Variants in UBR3 observed in about 807,000 individuals in gnomAD.
UBR3 encodes ubiquitin protein ligase E3 component n-recognin 3, also known as E3 ubiquitin-protein ligase UBR3.
Under a neutral mutation model 243.2 loss-of-function variants are expected in UBR3, and 85 were observed. The ratio of observed to expected loss-of-function variants is 0.35; its 90% CI spans 0.29 to 0.42. The LOEUF (loss-of-function observed/expected upper bound fraction) is 0.42, where lower values mean the gene tolerates loss of function less well. Ranked by LOEUF, UBR3 falls within the 10% of genes least tolerant of loss-of-function variation. The pLI is 1.00. For missense variants in UBR3, 1,686 were observed against 2,300.8 expected, an observed-to-expected ratio of 0.73 and a Z score of 5.47; for synonymous variants, 748 against 799.8, an observed-to-expected ratio of 0.94 and a Z score of 1.09.
intron 11 of UBR3, among the ~76,000 whole-genome samples, chr2:169,917,888 A>G (rs1158240703): frequency 6.6e-6 from 1 of 152,118 alleles, no homozygotes; most frequent in African/African-American, 2.4e-5. Context: ...TTTTTAGTAG[A>G]GATGGGGTTT....
At chr2:169,958,069 G>T (rs181304165) in intron 23 of UBR3, among the ~76,000 whole-genome samples, 2 of 143,708 alleles carry the variant, frequency 1.4e-5, no homozygotes, top group African/African-American at 4.9e-5. Flanking sequence ...TGTTATTTGT[G>T]CCTGGGATTA....
intron 5 of UBR3, 46 bp from the exon 6 acceptor site, chr2:169,891,119 A>G: frequency 3.5e-6 from 5 of 1,415,410 alleles, no homozygotes; most frequent in Non-Finnish European, 4.9e-6. Context: ...AAGTGTATCA[A>G]TTTATGAATG....
At chr2:169,833,049 A>T (rs1573997708) in intron 1 of UBR3, among the ~76,000 whole-genome samples, 1 of 152,220 alleles carries the variant, frequency 6.6e-6, no homozygotes, top group East Asian at 1.9e-4. Context: ...TGGTTCCAGA[A>T]TACCCACCTC....
At chr2:170,001,792 A>G (rs948484185) in intron 27 of UBR3, among the ~76,000 whole-genome samples, 3 of 151,878 alleles carry the variant, frequency 2.0e-5, no homozygotes, top group Non-Finnish European at 4.4e-5. Flanking sequence ...GTGCACCTGT[A>G]ATCCCAGCTA....
chr2:170,043,263 T>C (rs1427656868), intron 32 of UBR3, among the ~76,000 whole-genome samples: 1 of 152,162 alleles, frequency 6.6e-6, no homozygotes, highest in Admixed American at 6.5e-5. Context: ...AAAAATATTT[T>C]AGTTAAGAGT....
At chr2:170,021,957 G>A (rs1263789611) in intron 30 of UBR3, among the ~76,000 whole-genome samples, 1 of 152,040 alleles carries the variant, frequency 6.6e-6, no homozygotes. Flanking sequence ...CTTGGCTTAG[G>A]GCGAGGCAGC....
intron 36 of UBR3, 29 bp downstream of exon 36, chr2:170,073,636 C>G: frequency 6.2e-7 from 1 of 1,601,782 alleles, no homozygotes; most frequent in East Asian, 2.3e-5. Context: ...ACTAGCTTGT[C>G]ACGGTGGTGA....
intron 28 of UBR3, among the ~76,000 whole-genome samples, chr2:170,007,750 G>A (rs2089966088): frequency 2.0e-5 from 3 of 152,148 alleles, no homozygotes; most frequent in Non-Finnish European, 4.4e-5. Context: ...TGTAATCCCA[G>A]CTACACGGGA....
rs73017661 is a variant in UBR3, at chr2:169,987,076, G to A, written c.3784+282G>A. On this transcript the variant is annotated intron_variant, in intron 25 of 38. Transcript: ENST00000272793. ...CCAATGCTAGGTGGCCAATAACTGC[G>A]TTCAGCTTTCTTGGTAATTATAATT... Among the ~76,000 whole-genome samples the A allele has an allele frequency of 4.6e-3, 702 of 152,002 alleles. 2 individuals are homozygous for A. The highest frequency in any genetic ancestry group is 0.015 in the African/African-American group (634 of 41,452).
intron 1 of UBR3, among the ~76,000 whole-genome samples, chr2:169,832,536 C>T (rs762080786): frequency 7.9e-5 from 12 of 151,576 alleles, no homozygotes; most frequent in Non-Finnish European, 1.6e-4. Flanking sequence ...CACTGCACTC[C>T]AGCCTGGGCG....
At chr2:169,842,148 T>C (rs1376074372) in intron 1 of UBR3, among the ~76,000 whole-genome samples, 2 of 152,212 alleles carry the variant, frequency 1.3e-5, no homozygotes, top group African/African-American at 2.4e-5. Context: ...AACCTTTAAG[T>C]CTAGCTCAAG....
intron 19 of UBR3, among the ~76,000 whole-genome samples, chr2:169,939,567 T>C (rs1447482885): frequency 7.0e-6 from 1 of 143,132 alleles, no homozygotes; most frequent in East Asian, 2.1e-4. Context: ...GTGCCAGGCC[T>C]TTTTTTTTCC....
At chr2:169,943,749 A>G (rs2086681712) in intron 20 of UBR3, among the ~76,000 whole-genome samples, 1 of 152,242 alleles carries the variant, frequency 6.6e-6, no homozygotes, top group African/African-American at 2.4e-5. Context: ...TTAAAAATTA[A>G]AAGAAATTCA....
chr2:169,862,259 C>T (rs942243183), intron 1 of UBR3, among the ~76,000 whole-genome samples: 4 of 151,792 alleles, frequency 2.6e-5, no homozygotes, highest in African/African-American at 9.7e-5. Context: ...AGTACTTAAA[C>T]CCGTGTAGAT....
chr2:169,877,775 G>A, intron 4 of UBR3, 138 bp downstream of exon 4: 1 of 902,614 alleles, frequency 1.1e-6, no homozygotes, highest in South Asian at 2.0e-5. Context: ...AGTAATAAAA[G>A]TAGTAAAAAT....
intron 18 of UBR3, among the ~76,000 whole-genome samples, chr2:169,931,701 A>T (rs1559106616): frequency 6.6e-6 from 1 of 152,140 alleles, no homozygotes; most frequent in Non-Finnish European, 1.5e-5. Context: ...TGCCACATCT[A>T]AATAGCCTCT....
rs1573984801 is a variant in UBR3, at chr2:169,827,720, C to G, written c.213C>G (p.Gly71=). The change falls in exon 1 of 39, where the codon GGC becomes GGG. Residue 71 remains glycine, a synonymous_variant. Transcript: ENST00000272793. The part of the protein sequence containing the change: ...AERPLAAAAG[G]EDAAAAGGGG... The stretch of plus-strand genomic sequence containing the variant: ...GGCCGCTGGCCGCGGCTGCCGGCGG[C>G]GAGGACGCGGCGGCGGCCGGAGGCG... The G allele has an allele frequency of 2.4e-6, 3 of 1,230,590 alleles. No homozygotes were observed. In the East Asian group the frequency reaches 9.6e-5, roughly 40 times the overall value. 76.2% of individuals were successfully genotyped at this position (1,230,590 alleles called of 1,614,324 possible). A position where few individuals can be genotyped will look rare whatever the true frequency, so the allele number is the denominator to read the frequency against.
chr2:169,920,023 C>T (rs1185408329), intron 11 of UBR3, among the ~76,000 whole-genome samples: 2 of 152,070 alleles, frequency 1.3e-5, no homozygotes, highest in East Asian at 1.9e-4. Flanking sequence ...ATGTTTATAG[C>T]GGCACTATTC....
intron 1 of UBR3, among the ~76,000 whole-genome samples, chr2:169,845,615 G>C (rs1489746953): frequency 6.9e-6 from 1 of 144,580 alleles, no homozygotes; most frequent in African/African-American, 2.6e-5. Context: ...ATGGGGTCTC[G>C]CTCTGTCACC....
Sources: allele counts gnomAD v4.1 joint callset (sites outside exome capture counted in the v4.1 genomes callset), GRCh38; gene constraint gnomAD v4.1.1; transcripts MANE v1.5; gene names NCBI Gene and HGNC (gene_info 2026-07-23, HGNC 2026-07-21).